The following THUMPD3 variants were observed in gnomAD, a reference collection of about 807,000 sequenced individuals.
The protein encoded by THUMPD3 is THUMP domain 3 tRNA guanosine methyltransferase.
In THUMPD3, 44 loss-of-function variants were observed where a neutral mutation model predicts 54.5. The observed-to-expected ratio is 0.81, with a 90% confidence interval of 0.63 to 1.04. THUMPD3 has a LOEUF of 1.04. Among genes scored for constraint, THUMPD3 ranks in the 50% least tolerant of loss-of-function variants. The pLI is 0.00. For synonymous variants in THUMPD3, 196 were observed against 201.4 expected (o/e 0.97, Z 0.23); for missense variants, 604 against 601.3 (o/e 1.00, Z -0.05).
intron 4 of THUMPD3, among the ~76,000 whole-genome samples, chr3:9,371,757 A>G (rs2032057388): frequency 6.6e-6 from 1 of 152,264 alleles, no homozygotes; most frequent in African/African-American, 2.4e-5. Context: ...TGGAGCCAAT[A>G]ATATTATGTA....
At chr3:9,384,151 A>G (rs969986787) in intron 8 of THUMPD3, 61 bp from the exon 9 acceptor site, 2 of 1,580,160 alleles carry the variant, frequency 1.3e-6, no homozygotes, top group African/African-American at 1.4e-5. Context: ...TTTTTGTTTC[A>G]TATAGTCCTT....
At position 9,371,133 on chromosome 3, in the gene THUMPD3, T is replaced by G; in HGVS notation, c.404T>G (p.Ile135Ser). The G allele has an allele frequency of 6.2e-7, 1 of 1,609,226 alleles. No individual in the cohort carries two copies. The highest frequency in any genetic ancestry group is 1.1e-5 in the South Asian group (1 of 89,284). ...TCAAACCCCTTAAAAGTGTGGAAAA[T>G]TAATGCCAGTTTTAAAAAGAAAAAA... ...PWSNPLKVWK[I>S]NASFKKKKAK... The change falls in exon 4 of 10, where the codon ATT becomes AGT. Residue 135 changes from isoleucine (I) to serine (S), a missense_variant. Physicochemically the swap from Ile to Ser is moderately radical, Grantham distance 142 (BLOSUM62 -2). Coordinates refer to ENST00000452837, the MANE Select transcript of THUMPD3 (RefSeq NM_001114092.2).
At chr3:9,372,650 C>CATCCTAGAG (rs1435118473) in intron 4 of THUMPD3, among the ~76,000 whole-genome samples, 8 of 152,050 alleles carry the variant, frequency 5.3e-5, no homozygotes, top group Non-Finnish European at 1.0e-4. Flanking sequence ...TGCTAATACT[C>CATCCTAGAG]ATCCTAGAGT....
Position 9,384,594 on chromosome 3 carries a change from C to T in THUMPD3, c.1430C>T (p.Ala477Val). Residue 477 changes from alanine (A) to valine (V), a missense_variant, in exon 10 of 10, where the codon GCT (alanine) becomes GTT (valine). Transcript: ENST00000452837. ...TGGGTGAACGTTGGTGGTCTTCGTG[C>T]TGCAGTTTACGTTCTGATACGTACA... ...TVWVNVGGLR[A>V]AVYVLIRTPQ... 1.2e-6 allele frequency: 2 copies of T among 1,614,168 alleles called. No homozygotes were observed. The highest frequency in any genetic ancestry group is 8.5e-7 in the Non-Finnish European group (1 of 1,180,038).
chr3:9,369,180 G>A (rs1342003704), intron 3 of THUMPD3, among the ~76,000 whole-genome samples: 1 of 151,298 alleles, frequency 6.6e-6, no homozygotes, highest in Non-Finnish European at 1.5e-5. Flanking sequence ...TGCGGTGGCG[G>A]GCTTCTGTAA....
chr3:9,382,927 A>T (rs910449880), intron 7 of THUMPD3: 3 of 297,958 alleles, frequency 1.0e-5, no homozygotes, highest in African/African-American at 6.4e-5. Context: ...ACAAGGTCTC[A>T]CAGTGTTGCT....
chr3:9,363,984 C>T (rs2031215354), intron 1 of THUMPD3: 1 of 151,742 alleles, frequency 6.6e-6, no homozygotes, highest in African/African-American at 2.4e-5. Flanking sequence ...TGGTCTCGAA[C>T]TCTTGGCCTC....
Position 9,386,531 on chromosome 3 carries a change from C to T in THUMPD3, c.*1843C>T, listed in dbSNP as rs1000785466. 1 of 152,118 alleles carries T rather than the reference C, an allele frequency of 6.6e-6. No individual in the cohort carries two copies. The highest frequency in any genetic ancestry group is 1.5e-5 in the Non-Finnish European group (1 of 68,030). 9.4% of individuals were successfully genotyped at this position (152,118 alleles called of 1,614,324 possible). A position where few individuals can be genotyped will look rare whatever the true frequency, so the allele number is the denominator to read the frequency against. Reference sequence around the variant, plus strand: ...ATCATAGCTTTAATTCTATTACATACTACAATAAAAATTTGACAAGACTGA... The same window carrying T: ...ATCATAGCTTTAATTCTATTACATATTACAATAAAAATTTGACAAGACTGA... On this transcript the variant is annotated 3_prime_UTR_variant, in exon 10 of 10. Transcript: ENST00000452837.
Position 9,380,622 on chromosome 3 carries a change from A to C in THUMPD3, c.1124+4A>C, listed in dbSNP as rs1201658759. On this transcript the variant is annotated splice_donor_region_variant and intron_variant, in intron 7 of 9. Transcript: ENST00000452837. ...CCAAGAGCCAAATTAAAGAAGGGTA[A>C]AAATTTAAAAGATTTCTTAGCATCT... 5 of 1,591,668 alleles carry C rather than the reference A, an allele frequency of 3.1e-6. No homozygotes were observed. In the Admixed American group the frequency reaches 8.4e-5, roughly 27 times the overall value.
chr3:9,379,866 G>GT (rs1281342629), intron 6 of THUMPD3, among the ~76,000 whole-genome samples: 1 of 151,946 alleles, frequency 6.6e-6, no homozygotes, highest in Non-Finnish European at 1.5e-5. Context: ...TGATTTTTGT[G>GT]TTTTTGTAGA....
rs75226177 is a variant in THUMPD3 at position 9,373,973 on chromosome 3, A to G, written c.808-543A>G. ...TTAAGTACACAAATCTTAAGTTTTC[A>G]GTAAGTTTTTACTTATATACACGAT... On this transcript the variant is annotated intron_variant, in intron 4 of 9. Coordinates refer to ENST00000452837, the MANE Select transcript of THUMPD3 (RefSeq NM_001114092.2). 8.0e-3 allele frequency among the ~76,000 whole-genome samples: 1,222 copies of G among 152,344 alleles called. 20 individuals are homozygous for G. The highest frequency in any genetic ancestry group is 0.027 in the African/African-American group (1,120 of 41,568).
At position 9,384,353 on chromosome 3, in the gene THUMPD3, T is replaced by C; in HGVS notation, c.1359+18T>C. ...TTACCAAGGTGCTATACACATTAGC[T>C]CAAAATCGCAGCCTGTGGCAACTTT... On this transcript the variant is annotated intron_variant, in intron 9 of 9. Coordinates refer to ENST00000452837, the MANE Select transcript of THUMPD3 (RefSeq NM_001114092.2). 6.2e-7 allele frequency: 1 copy of C among 1,602,628 alleles called. No individual in the cohort carries two copies. Among genetic ancestry groups the C allele is most frequent in the Non-Finnish European group, 8.5e-7 (1 of 1,174,842 alleles).
Position 9,371,116 on chromosome 3 carries a change from C to T in THUMPD3, c.387C>T (p.Pro129=). Residue 129 remains proline (P), a synonymous_variant, in exon 4 of 10, where the codon CCC becomes CCT. Coordinates refer to ENST00000452837, the MANE Select transcript of THUMPD3 (RefSeq NM_001114092.2). ...CTGGAAAACTCCCATGGTCAAACCC[C>T]TTAAAAGTGTGGAAAATTAATGCCA... ...DLAGKLPWSN[P]LKVWKINASF... The T allele has an allele frequency of 6.2e-7, 1 of 1,607,082 alleles. No individual in the cohort carries two copies. Among genetic ancestry groups the T allele is most frequent in the Non-Finnish European group, 8.5e-7 (1 of 1,178,490 alleles).
At chr3:9,380,208 C>T (rs1024554372) in intron 6 of THUMPD3, among the ~76,000 whole-genome samples, 1 of 152,024 alleles carries the variant, frequency 6.6e-6, no homozygotes, top group Non-Finnish European at 1.5e-5. Context: ...GGGACAAGTG[C>T]AGTGGCAGAG....
chr3:9,384,799 A>AAAG lies in THUMPD3; in HGVS notation c.*112_*113insAGA. The AAAG allele has an allele frequency of 8.0e-7, 1 of 1,251,382 alleles. No individual in the cohort carries two copies. Among genetic ancestry groups the AAAG allele is most frequent in the Non-Finnish European group, 1.1e-6 (1 of 898,624 alleles). The allele number at this position is 1,251,382 out of a possible 1,614,324, so 77.5% of individuals were successfully genotyped here. Reference sequence around the variant, plus strand: ...CAGTCTGCACTCTTTAAACCTGTTTAAGGCTCTTCATCCTGGTTAGCAAAA... The same window carrying AAAG: ...CAGTCTGCACTCTTTAAACCTGTTTAAAGAGGCTCTTCATCCTGGTTAGCAAAA... On this transcript the variant is annotated 3_prime_UTR_variant, in exon 10 of 10. Transcript: ENST00000452837.
At chr3:9,381,032 A>G (rs925189071) in intron 7 of THUMPD3, 1 of 157,000 alleles carries the variant, frequency 6.4e-6, no homozygotes, top group Admixed American at 6.5e-5. Flanking sequence ...ACTGAGCTCA[A>G]GCAATCCTCC....
intron 7 of THUMPD3, among the ~76,000 whole-genome samples, chr3:9,381,342 C>T (rs1037760433): frequency 1.3e-5 from 2 of 152,178 alleles, no homozygotes; most frequent in African/African-American, 4.8e-5. Flanking sequence ...CATTGTCTCT[C>T]TGATCTAATT....
rs906624770 is a variant in THUMPD3 at position 9,377,801 on chromosome 3, C to T, written c.939-18C>T. Reference sequence around the variant, plus strand: ...GCTTTTGAGTGAGTCTTCACATAGGCTGTTTTCTTTTCTCTAGGCTCTGTG... The same window carrying T: ...GCTTTTGAGTGAGTCTTCACATAGGTTGTTTTCTTTTCTCTAGGCTCTGTG... On this transcript the variant is annotated intron_variant, in intron 5 of 9. Transcript: ENST00000452837. 1.2e-6 allele frequency: 2 copies of T among 1,608,600 alleles called. No individual in the cohort carries two copies. The highest frequency in any genetic ancestry group is 1.7e-6 in the Non-Finnish European group (2 of 1,175,338).
chr3:9,369,309 CAA>C (rs779602979), intron 3 of THUMPD3, among the ~76,000 whole-genome samples: 4 of 60,832 alleles, frequency 6.6e-5, no homozygotes, highest in Non-Finnish European at 1.1e-4. Context: ...GACTCCGTCT[CAA>C]AAAAAAAAAA....
Sources: gnomAD v4.1 joint callset for allele counts (sites outside exome capture counted in the v4.1 genomes callset) on GRCh38, gnomAD v4.1.1 for gene constraint, MANE v1.5 for transcripts, NCBI Gene and HGNC (gene_info 2026-07-23, HGNC 2026-07-21) for gene names.